Variants in PUM1 observed in about 807,000 individuals in gnomAD.
The protein encoded by PUM1 is pumilio homolog 1.
A neutral mutation model predicts 131.8 loss-of-function variants in PUM1; 13 were observed. The observed-to-expected ratio is 0.10, with a 90% CI of 0.06 to 0.16. The LOEUF is 0.16. PUM1 is among the 10% of genes least tolerant of loss of function. PUM1 has a pLI of 1.00. For synonymous variants in PUM1, 509 were observed against 556.5 expected (o/e 0.91, Z 1.20); for missense variants, 961 against 1,512.4 (o/e 0.64, Z 6.05).
At chr1:30,996,128 G>A (rs1337597457) in intron 5 of PUM1, among the ~76,000 whole-genome samples, 3 of 152,224 alleles carry the variant, frequency 2.0e-5, no homozygotes, top group African/African-American at 7.2e-5. Flanking sequence ...ATAGTACAGA[G>A]AGATTTGCAG....
At chr1:30,995,504 C>CT (rs940873823) in intron 5 of PUM1, among the ~76,000 whole-genome samples, 6 of 151,856 alleles carry the variant, frequency 4.0e-5, no homozygotes, top group African/African-American at 7.3e-5. Flanking sequence ...TTCTTCCTTC[C>CT]TTTTTTTTCT....
chr1:31,014,591 C>T (rs190883529), intron 3 of PUM1, among the ~76,000 whole-genome samples: 6 of 152,022 alleles, frequency 3.9e-5, no homozygotes, highest in African/African-American at 1.2e-4. Context: ...AGTTCAAGAC[C>T]AGCCTGGACA....
intron 2 of PUM1, among the ~76,000 whole-genome samples, chr1:31,053,292 G>A (rs1265631357): frequency 5.4e-5 from 8 of 149,140 alleles, no homozygotes; most frequent in South Asian, 2.1e-4. Flanking sequence ...GAGCCACCAC[G>A]CCCAGTCCAC....
intron 14 of PUM1, among the ~76,000 whole-genome samples, chr1:30,959,864 A>G (rs2124429311): frequency 6.6e-6 from 1 of 151,160 alleles, no homozygotes; most frequent in South Asian, 2.1e-4. Flanking sequence ...CCGAGATTGC[A>G]CCATTGCACT....
At chr1:31,028,639 G>T in intron 3 of PUM1, 157 bp downstream of exon 3, 1 of 687,808 alleles carries the variant, frequency 1.5e-6, no homozygotes, top group Non-Finnish European at 2.6e-6. Context: ...ACATAGTTTT[G>T]GCAAAATTCT....
chr1:31,009,782 A>AAAAAAAAAAAAACAAAAAC (rs375044466), intron 3 of PUM1, among the ~76,000 whole-genome samples: 164 of 125,284 alleles, frequency 1.3e-3, no homozygotes, highest in Middle Eastern at 4.4e-3. Flanking sequence ...AAAAAAAAAA[A>AAAAAAAAAAAAACAAAAAC]AAAAACAAAA....
chr1:30,946,547 G>T (rs917489491), intron 17 of PUM1, among the ~76,000 whole-genome samples: 12 of 149,796 alleles, frequency 8.0e-5, no homozygotes, highest in Non-Finnish European at 7.4e-5. Context: ...TGAGGCAGGA[G>T]AATTTCTTGA....
At chr1:31,056,748 TC>T (rs1644250717) in intron 2 of PUM1, among the ~76,000 whole-genome samples, 1 of 146,816 alleles carries the variant, frequency 6.8e-6, no homozygotes, top group South Asian at 2.2e-4. Context: ...CACCTCAGGC[TC>T]CCAAGCAGCT....
At position 30,933,142 on chromosome 1, in the gene PUM1, G is replaced by A; in HGVS notation, c.*69C>T. On this transcript the variant is annotated 3_prime_UTR_variant, in exon 22 of 22. Transcript: ENST00000426105. ...CAGACTCTACACTAGAACATTTCTGGTTGCTGGTTGGATTTGCCAGTGGGC... is the reference window on the plus strand; with the variant it reads ...CAGACTCTACACTAGAACATTTCTGATTGCTGGTTGGATTTGCCAGTGGGC... The A allele has an allele frequency of 6.5e-7, 1 of 1,540,486 alleles. No homozygotes were observed. Among genetic ancestry groups the A allele is most frequent in the Non-Finnish European group, 8.8e-7 (1 of 1,140,406 alleles).
intron 3 of PUM1, among the ~76,000 whole-genome samples, chr1:31,008,653 A>G (rs181793807): frequency 2.4e-4 from 37 of 152,172 alleles, no homozygotes; most frequent in African/African-American, 8.7e-4. Context: ...TTCTCTTTTT[A>G]TTGATGAAGA....
intron 14 of PUM1, among the ~76,000 whole-genome samples, chr1:30,956,953 T>C (rs2124423492): frequency 1.3e-5 from 2 of 152,288 alleles, no homozygotes; most frequent in South Asian, 2.1e-4. Flanking sequence ...ACATAATGAC[T>C]AATCCACACA....
At chr1:30,985,958 T>C (rs892067360) in intron 7 of PUM1, among the ~76,000 whole-genome samples, 4 of 151,928 alleles carry the variant, frequency 2.6e-5, no homozygotes, top group Non-Finnish European at 5.9e-5. Flanking sequence ...TAAACTTCAC[T>C]GATTTTTTTT....
At chr1:30,978,279 T>C (rs1325095593) in intron 9 of PUM1, among the ~76,000 whole-genome samples, 1 of 152,108 alleles carries the variant, frequency 6.6e-6, no homozygotes, top group East Asian at 1.9e-4. Flanking sequence ...ATAAGGCAGC[T>C]GTCTGAGCCA....
In PUM1 at chr1:30,933,746, C is replaced by T. The variant is rs368035708; in HGVS notation, c.3436-404G>A. On this transcript the variant is annotated intron_variant, in intron 21 of 21. Coordinates refer to ENST00000426105, the MANE Select transcript of PUM1 (RefSeq NM_001020658.2). ...GCACAGGCCCCTCTGGCCCCATGCA[C>T]GGCATCCAGGCTCTCCTGAGCAGTG... is the stretch of plus-strand genomic sequence containing the variant. 1.2e-4 allele frequency among the ~76,000 whole-genome samples: 19 copies of T among 152,348 alleles called. No individual in the cohort carries two copies. In the South Asian group the frequency reaches 2.1e-3, roughly 17 times the overall value.
rs747020680 is a variant in PUM1, at chr1:30,979,137, G to GAA, written c.1354+923_1354+924dup. 1.5e-3 allele frequency among the ~76,000 whole-genome samples: 182 copies of GAA among 125,486 alleles called. 1 individual carries two copies. The highest frequency in any genetic ancestry group is 5.2e-3 in the African/African-American group (176 of 34,042). 82.3% of individuals were successfully genotyped at this position (125,486 alleles called of 152,430 possible). ...AAAAAGAGAGAGAGAGAAAGAAAGAGAAAAAAAAAAAGAGGGGAAAAAACT... is the reference window on the plus strand; with the variant it reads ...AAAAAGAGAGAGAGAGAAAGAAAGAGAAAAAAAAAAAAAGAGGGGAAAAAACT... On this transcript the variant is annotated intron_variant, in intron 9 of 21. Coordinates refer to ENST00000426105, the MANE Select transcript of PUM1 (RefSeq NM_001020658.2).
rs1174565063 is a variant in PUM1 at position 30,989,571 on chromosome 1, CAAAAAAAAAAAAAAA to C, written c.1158+2804_1158+2818del. Among the ~76,000 whole-genome samples the C allele has an allele frequency of 1.0e-3, 29 of 27,706 alleles. 2 individuals carry two copies. In the East Asian group the frequency reaches 0.016, roughly 15 times the overall value. The allele number at this position is 27,706 out of a possible 152,430, so 18.2% of individuals were successfully genotyped here. A position where few individuals can be genotyped will look rare whatever the true frequency, so the allele number is the denominator to read the frequency against. On this transcript the variant is annotated intron_variant, in intron 7 of 21. Transcript: ENST00000426105. ...TGGGCAAAAGAGTGAGACTCCGTCT[CAAAAAAAAAAAAAAA>C]AAAAAAAAAAAAAGAACCACTTCTT...
At chr1:31,044,599 T>C (rs986393272) in intron 2 of PUM1, among the ~76,000 whole-genome samples, 6 of 152,094 alleles carry the variant, frequency 3.9e-5, no homozygotes, top group African/African-American at 7.2e-5. Flanking sequence ...AAAGGATTTT[T>C]GGGGTAATGC....
chr1:30,982,045 G>A (rs1641377311), intron 7 of PUM1: 2 of 152,156 alleles, frequency 1.3e-5, no homozygotes, highest in African/African-American at 4.8e-5. Flanking sequence ...TAAGACACCT[G>A]CCCAACTTTC....
chr1:31,013,398 C>A (rs967941125), intron 3 of PUM1, among the ~76,000 whole-genome samples: 15 of 152,200 alleles, frequency 9.9e-5, no homozygotes, highest in Admixed American at 9.8e-4. Context: ...CTTACACACT[C>A]AATACAGGCT....
Sources: allele counts gnomAD v4.1 joint callset (sites outside exome capture counted in the v4.1 genomes callset), GRCh38; gene constraint gnomAD v4.1.1; transcripts MANE v1.5; gene names NCBI Gene and HGNC (gene_info 2026-07-23, HGNC 2026-07-21).